PTPN4: variants seen among roughly 807,000 people sequenced by gnomAD.
The protein encoded by PTPN4 is protein tyrosine phosphatase non-receptor type 4, also known as tyrosine-protein phosphatase non-receptor type 4.
A neutral mutation model predicts 135.5 loss-of-function variants in PTPN4; 49 were observed. The observed-to-expected ratio is 0.36, with a 90% CI of 0.29 to 0.46. The LOEUF is 0.46. PTPN4 is among the 20% of genes least tolerant of loss of function. PTPN4 has a pLI of 1.00. For synonymous variants in PTPN4, 333 were observed against 369.9 expected, an observed-to-expected ratio of 0.90 and a Z score of 1.14; for missense variants, 860 against 1,101.0, an observed-to-expected ratio of 0.78 and a Z score of 3.10.
At chr2:119,963,915 A>T (rs148499057) in intron 24 of PTPN4, among the ~76,000 whole-genome samples, 3 of 152,212 alleles carry the variant, frequency 2.0e-5, no homozygotes, top group Admixed American at 1.3e-4. Flanking sequence ...TTTATATACC[A>T]TAGTGGCTTT....
At chr2:119,969,331 A>T (rs985905067) in intron 26 of PTPN4, among the ~76,000 whole-genome samples, 10 of 152,050 alleles carry the variant, frequency 6.6e-5, no homozygotes, top group Middle Eastern at 3.4e-3. Flanking sequence ...AATTACAGAA[A>T]ATTTCAAACA....
chr2:119,974,954 A>C (rs1679591759), intron 26 of PTPN4, among the ~76,000 whole-genome samples: 1 of 152,116 alleles, frequency 6.6e-6, no homozygotes, highest in African/African-American at 2.4e-5. Flanking sequence ...TATCACAAAT[A>C]CTCCACATTA....
At chr2:119,835,678 T>A (rs894609331) in intron 2 of PTPN4, among the ~76,000 whole-genome samples, 2 of 152,214 alleles carry the variant, frequency 1.3e-5, no homozygotes, top group Non-Finnish European at 2.9e-5. Context: ...TTACAGACTT[T>A]CTTTCTTACT....
In PTPN4 at chr2:119,973,655, GTTTTTTTTTTTTTT is replaced by G. The variant is rs70949378; in HGVS notation, c.2695-3315_2695-3302del. ...TTGAAAGCTTCCTCCTTCATTTCTT[GTTTTTTTTTTTTTT>G]TTTTTTTTTTTTTGGTAATTTACTT... On this transcript the variant is annotated intron_variant, in intron 26 of 26. Coordinates refer to ENST00000263708, the MANE Select transcript of PTPN4 (RefSeq NM_002830.4). Among the ~76,000 whole-genome samples the G allele has an allele frequency of 1.2e-3, 47 of 38,398 alleles. 2 individuals are homozygous for G. Among genetic ancestry groups the G allele is most frequent in the African/African-American group, 5.5e-3 (44 of 7,944 alleles). 25.2% of individuals were successfully genotyped at this position (38,398 alleles called of 152,430 possible).
At chr2:119,866,673 C>T (rs1050663337) in intron 3 of PTPN4, among the ~76,000 whole-genome samples, 10 of 151,990 alleles carry the variant, frequency 6.6e-5, no homozygotes, top group African/African-American at 2.2e-4. Flanking sequence ...TTTATTTACC[C>T]TTTGAAGATT....
chr2:119,943,999 A>G (rs1247117510), intron 15 of PTPN4, among the ~76,000 whole-genome samples: 2 of 151,916 alleles, frequency 1.3e-5, no homozygotes, highest in African/African-American at 2.4e-5. Context: ...CAGTGGGGGG[A>G]AGAAGAACTT....
chr2:119,865,918 A>G (rs1677828532), intron 3 of PTPN4, among the ~76,000 whole-genome samples: 1 of 152,084 alleles, frequency 6.6e-6, no homozygotes, highest in Non-Finnish European at 1.5e-5. Context: ...CAAATACAGA[A>G]TAATAGCTGA....
At chr2:119,933,053 T>TA (rs1678928854) in intron 14 of PTPN4, among the ~76,000 whole-genome samples, 1 of 152,176 alleles carries the variant, frequency 6.6e-6, no homozygotes, top group Non-Finnish European at 1.5e-5. Context: ...CTCCCTGAGC[T>TA]AAAAAGCACT....
intron 2 of PTPN4, among the ~76,000 whole-genome samples, chr2:119,845,055 G>T (rs1030200896): frequency 2.7e-5 from 4 of 149,086 alleles, no homozygotes; most frequent in East Asian, 2.0e-4. Flanking sequence ...GCTGGAGACC[G>T]GCCCGGCCAA....
intron 1 of PTPN4, among the ~76,000 whole-genome samples, chr2:119,762,680 G>A (rs1171435168): frequency 6.6e-6 from 1 of 152,032 alleles, no homozygotes; most frequent in African/African-American, 2.4e-5. Flanking sequence ...TATGTTTAGG[G>A]GCAAATGTTT....
intron 9 of PTPN4, among the ~76,000 whole-genome samples, chr2:119,895,498 G>A (rs1417622314): frequency 1.3e-5 from 2 of 152,108 alleles, no homozygotes; most frequent in African/African-American, 4.8e-5. Context: ...AAATAAGCTG[G>A]GCATGGTGGT....
intron 3 of PTPN4, 37 bp from the exon 4 acceptor site, chr2:119,877,286 G>A: frequency 6.3e-7 from 1 of 1,589,812 alleles, no homozygotes; most frequent in Non-Finnish European, 8.6e-7. Flanking sequence ...AGTTCCTCAA[G>A]GAAAAAAGAA....
chr2:119,966,113 C>T (rs1017776224), intron 25 of PTPN4, among the ~76,000 whole-genome samples: 2 of 152,146 alleles, frequency 1.3e-5, no homozygotes, highest in Non-Finnish European at 2.9e-5. Flanking sequence ...CATTATGGCA[C>T]TTTGTTGTGT....
chr2:119,882,067 C>T (rs1316801229), intron 6 of PTPN4, 30 bp from the exon 7 acceptor site: 26 of 1,560,816 alleles, frequency 1.7e-5, no homozygotes, highest in South Asian at 1.0e-4. Flanking sequence ...GTTTAACCTT[C>T]GGTTGTGTAT....
intron 5 of PTPN4, among the ~76,000 whole-genome samples, chr2:119,877,893 GTT>G (rs34064745): frequency 6.7e-6 from 1 of 149,312 alleles, no homozygotes; most frequent in South Asian, 2.1e-4. Context: ...AGAAATTTGG[GTT>G]TTTTTTTTCC....
At chr2:119,925,016 A>G (rs745722827) in intron 12 of PTPN4, among the ~76,000 whole-genome samples, 6 of 152,116 alleles carry the variant, frequency 3.9e-5, no homozygotes, top group Non-Finnish European at 7.4e-5. Flanking sequence ...GGAGTCCACA[A>G]ACTACACCTG....
At chr2:119,876,896 C>CGTGT (rs1558751874) in intron 3 of PTPN4, among the ~76,000 whole-genome samples, 32 of 96,534 alleles carry the variant, frequency 3.3e-4, no homozygotes, top group Middle Eastern at 5.7e-3. Flanking sequence ...AGCCCAAGAG[C>CGTGT]ATGTGTGTGT....
intron 12 of PTPN4, among the ~76,000 whole-genome samples, chr2:119,921,678 G>T (rs963856687): frequency 1.3e-5 from 2 of 149,562 alleles, no homozygotes; most frequent in African/African-American, 4.9e-5. Context: ...GACAGTACTT[G>T]CAAATTTAAA....
At chr2:119,880,707 T>C (rs1335544693) in intron 5 of PTPN4, among the ~76,000 whole-genome samples, 1 of 152,024 alleles carries the variant, frequency 6.6e-6, no homozygotes, top group Non-Finnish European at 1.5e-5. Context: ...CCCAGATAAC[T>C]TTGAATTATT....
Sources: allele counts gnomAD v4.1 joint callset (sites outside exome capture counted in the v4.1 genomes callset), GRCh38; gene constraint gnomAD v4.1.1; transcripts MANE v1.5; gene names NCBI Gene and HGNC (gene_info 2026-07-23, HGNC 2026-07-21).